Variants in VWA2 observed in about 807,000 individuals in gnomAD.
The protein encoded by VWA2 is von Willebrand factor A domain containing 2.
A neutral mutation model predicts 70.4 loss-of-function variants in VWA2; 73 were observed. The observed-to-expected ratio is 1.04, with a 90% CI of 0.86 to 1.26. VWA2 has a LOEUF of 1.26. Among genes scored for constraint, VWA2 ranks in the 50% most tolerant of loss-of-function variants. VWA2 has a pLI of 0.00. For synonymous variants in VWA2, 407 were observed against 423.3 expected, an observed-to-expected ratio of 0.96 and a Z score of 0.47; for missense variants, 1,011 against 998.5, an observed-to-expected ratio of 1.01 and a Z score of -0.17.
chr10:114,253,690 A>G lies in VWA2; in HGVS notation c.92A>G (p.Lys31Arg), dbSNP rs1189810336. 1.2e-6 allele frequency: 2 copies of G among 1,612,264 alleles called. No homozygotes were observed. Among genetic ancestry groups the G allele is most frequent in the Admixed American group, 3.3e-5 (2 of 59,942 alleles). The change falls in exon 3 of 14, where the codon AAA becomes AGA. Residue 31 changes from lysine to arginine, a missense_variant. Coordinates refer to ENST00000392982, the MANE Select transcript of VWA2 (RefSeq NM_001272046.2). ...SLPLQEVHVS[K>R]ETIGKISAAS... The stretch of plus-strand genomic sequence containing the variant: ...CCTCTCCAGGAAGTCCATGTAAGCA[A>G]AGAAACCATCGGGAAGATTTCAGCT...
chr10:114,279,634 A>G (rs1403495307), intron 8 of VWA2, among the ~76,000 whole-genome samples: 1 of 152,190 alleles, frequency 6.6e-6, no homozygotes, highest in African/African-American at 2.4e-5. Context: ...ATGAGGTCTC[A>G]TGCCACTCTG....
At position 114,289,574 on chromosome 10, in the gene VWA2, C is replaced by A. The variant is rs1212766047; in HGVS notation, c.2122+85C>A. 3.4e-6 allele frequency: 5 copies of A among 1,460,482 alleles called. No homozygotes were observed. The Admixed American group carries it at 6.9e-5, about 20-fold the overall frequency. 90.5% of individuals were successfully genotyped at this position (1,460,482 alleles called of 1,614,324 possible). On this transcript the variant is annotated intron_variant, in intron 12 of 13. Coordinates refer to ENST00000392982, the MANE Select transcript of VWA2 (RefSeq NM_001272046.2). ...TTCACATACATCATGACGAGGATGG[C>A]AGCTCTTCCCAGCTACTGAGCACTT...
At chr10:114,265,913 T>C (rs2037551934) in intron 5 of VWA2, among the ~76,000 whole-genome samples, 1 of 152,212 alleles carries the variant, frequency 6.6e-6, no homozygotes, top group Non-Finnish European at 1.5e-5. Context: ...CAGGCTGTTA[T>C]GAATCAGAAT....
intron 2 of VWA2, among the ~76,000 whole-genome samples, chr10:114,249,383 G>A (rs1014434411): frequency 6.6e-6 from 1 of 152,132 alleles, no homozygotes; most frequent in African/African-American, 2.4e-5. Context: ...AGCCTCTTGA[G>A]TAGCTGAGAT....
At chr10:114,268,913 T>C (rs781244673) in intron 5 of VWA2, among the ~76,000 whole-genome samples, 74 of 152,102 alleles carry the variant, frequency 4.9e-4, no homozygotes, top group Admixed American at 2.1e-3. Flanking sequence ...GCCAGGATGG[T>C]CTCGATCTCT....
Position 114,289,246 on chromosome 10 carries a change from G to A in VWA2, c.1879G>A (p.Gly627Ser), listed in dbSNP as rs891878881. 3.1e-6 allele frequency: 5 copies of A among 1,613,956 alleles called. No homozygotes were observed. Among genetic ancestry groups the A allele is most frequent in the African/African-American group, 2.7e-5 (2 of 74,940 alleles). Residue 627 changes from glycine to serine, a missense_variant, in exon 12 of 14, where the codon GGT becomes AGT. Transcript: ENST00000392982. The stretch of plus-strand genomic sequence containing the variant: ...TGACAAAGTGATGACCGTCCAGAGG[G>A]GTGCCCGGCCTGGTGTCCCCAAAGC... Reference protein sequence around the residue: ...IYDKVMTVQRGARPGVPKAVV... With the variant: ...IYDKVMTVQRSARPGVPKAVV...
At position 114,272,908 on chromosome 10, in the gene VWA2, G is replaced by A; in HGVS notation, c.540G>A (p.Val180=). 1 of 1,613,060 alleles carries A rather than the reference G, an allele frequency of 6.2e-7. No homozygotes were observed. Among genetic ancestry groups the A allele is most frequent in the South Asian group, 1.1e-5 (1 of 90,828 alleles). ...AGCTGAAGGAAAGGGGTGTCACTGT[G>A]TTTGCTGTGGGGGTCAGGTTTCCCA... ...SKQLKERGVT[V]FAVGVRFPRW... The change falls in exon 6 of 14, where the codon GTG becomes GTA. Residue 180 remains valine, a synonymous_variant. Transcript: ENST00000392982.
chr10:114,282,408 T>A (rs2038258810), intron 8 of VWA2, 108 bp from the exon 9 acceptor site: 14 of 877,136 alleles, frequency 1.6e-5, no homozygotes, highest in Non-Finnish European at 2.7e-5. Context: ...CTTTCTTACT[T>A]CTGCATTGGA....
At position 114,254,984 on chromosome 10, in the gene VWA2, GC is replaced by G; in HGVS notation, c.198del (p.Phe67LeufsTer48). On this transcript the variant is annotated frameshift_variant, in exon 4 of 14. Coordinates refer to ENST00000392982, the MANE Select transcript of VWA2 (RefSeq NM_001272046.2). LOFTEE classifies it high-confidence loss of function. ...GGGTCTAACAGCGTCGGGAAAGGGA[GC>G]TTTGAAAGGTCCAAGCACTTTGCCA... ...LDGSNSVGKG[S>X]FERSKHFAIT... 1 of 1,613,312 alleles carries G rather than the reference GC, an allele frequency of 6.2e-7. No homozygotes were observed.
intron 13 of VWA2, 126 bp downstream of exon 13, chr10:114,290,491 T>C: frequency 7.3e-7 from 1 of 1,360,884 alleles, no homozygotes; most frequent in South Asian, 1.4e-5. Flanking sequence ...ATTCAGTCGT[T>C]TACCCACGAA....
In VWA2 at chr10:114,261,454, A is replaced by G. The variant is rs74969963; in HGVS notation, c.371+159A>G. Among the ~76,000 whole-genome samples the G allele has an allele frequency of 4.8e-3, 730 of 152,252 alleles. 4 individuals carry two copies. The highest frequency in any genetic ancestry group is 0.017 in the African/African-American group (702 of 41,558). On this transcript the variant is annotated intron_variant, in intron 5 of 13. Transcript: ENST00000392982. ...GTTGGTCACATGAATTCCATTCTCA[A>G]GGCTGCCCCTCCTTATTGCATGATA...
intron 5 of VWA2, among the ~76,000 whole-genome samples, chr10:114,271,109 A>G (rs547119093): frequency 6.6e-6 from 1 of 152,034 alleles, no homozygotes; most frequent in African/African-American, 2.4e-5. Flanking sequence ...TGTAGATCCC[A>G]TTTCTTCAAC....
At position 114,272,864 on chromosome 10, in the gene VWA2, G is replaced by A. The variant is rs750138700; in HGVS notation, c.496G>A (p.Val166Met). ...IVTDGKSQGD[V>M]ALPSKQLKER... The stretch of plus-strand genomic sequence containing the variant: ...CACTGATGGGAAGTCCCAGGGGGAT[G>A]TGGCACTGCCATCCAAGCAGCTGAA... Residue 166 changes from valine (V) to methionine (M), a missense_variant, in exon 6 of 14, where the codon GTG becomes ATG. By Grantham distance (21) the Val-to-Met change is conservative. Transcript: ENST00000392982. 2 of 1,614,074 alleles carry A rather than the reference G, an allele frequency of 1.2e-6. No individual in the cohort carries two copies. Among genetic ancestry groups the A allele is most frequent in the Admixed American group, 3.3e-5 (2 of 60,020 alleles).
At chr10:114,250,695 T>C (rs1299285705) in intron 2 of VWA2, among the ~76,000 whole-genome samples, 3 of 152,304 alleles carry the variant, frequency 2.0e-5, no homozygotes, top group East Asian at 1.9e-4. Context: ...GCCCAACTGT[T>C]TCCCTCTGTC....
chr10:114,252,587 G>A lies in VWA2; in HGVS notation c.53-1064G>A, dbSNP rs2037220744. On this transcript the variant is annotated intron_variant, in intron 2 of 13. Coordinates refer to ENST00000392982, the MANE Select transcript of VWA2 (RefSeq NM_001272046.2). Reference sequence around the variant, plus strand: ...TCTTGTCATCACTTTCCTGGCAGTTGCAAACCTTGAGACCAGGTGCCCTGT... The same window carrying A: ...TCTTGTCATCACTTTCCTGGCAGTTACAAACCTTGAGACCAGGTGCCCTGT... Among the ~76,000 whole-genome samples the A allele has an allele frequency of 2.0e-5, 3 of 152,036 alleles. No individual in the cohort carries two copies. The South Asian group carries it at 6.2e-4, about 32-fold the overall frequency.
At chr10:114,267,393 A>G (rs2037594127) in intron 5 of VWA2, among the ~76,000 whole-genome samples, 1 of 151,492 alleles carries the variant, frequency 6.6e-6, no homozygotes, top group South Asian at 2.1e-4. Context: ...CTGGGATTAC[A>G]GTTGTGAGCC....
chr10:114,278,922 A>G lies in VWA2; in HGVS notation c.833+71A>G, dbSNP rs1311159248. On this transcript the variant is annotated intron_variant, in intron 8 of 13. Coordinates refer to ENST00000392982, the MANE Select transcript of VWA2 (RefSeq NM_001272046.2). Reference sequence around the variant, plus strand: ...CCCACCCCTGAGCTGCGGGGAGGATAGTACTTTGGGGCCCTGCCATGGAGA... The same window carrying G: ...CCCACCCCTGAGCTGCGGGGAGGATGGTACTTTGGGGCCCTGCCATGGAGA... The G allele has an allele frequency of 1.9e-6, 3 of 1,591,594 alleles. No individual in the cohort carries two copies. In the African/African-American group the frequency reaches 4.0e-5, roughly 21 times the overall value.
intron 7 of VWA2, 68 bp downstream of exon 7, chr10:114,278,115 A>C: frequency 6.4e-7 from 1 of 1,560,564 alleles, no homozygotes; most frequent in Admixed American, 1.7e-5. Flanking sequence ...CTGAGGCAAG[A>C]GGTCAGGACC....
intron 7 of VWA2, 46 bp from the exon 8 acceptor site, chr10:114,278,673 G>A: frequency 6.2e-7 from 1 of 1,606,050 alleles, no homozygotes; most frequent in South Asian, 1.1e-5. Context: ...AGGAGGAGGT[G>A]GAACCCTGTC....
Sources: allele counts gnomAD v4.1 joint callset (sites outside exome capture counted in the v4.1 genomes callset), GRCh38; gene constraint gnomAD v4.1.1; transcripts MANE v1.5; gene names NCBI Gene and HGNC (gene_info 2026-07-23, HGNC 2026-07-21).